The following LPA variants were observed in gnomAD, a reference collection of about 807,000 sequenced individuals.
LPA encodes apolipoprotein(a).
LPA carries 199 observed loss-of-function variants against 197.9 expected under a neutral mutation model. The ratio of observed to expected loss-of-function variants is 1.01; its 90% CI spans 0.90 to 1.13. LPA has a LOEUF of 1.13. LPA is among the 50% of genes most tolerant of loss of function. The probability of loss-of-function intolerance (pLI) is 0.00; values close to 1 mark genes in which losing one functional copy is unlikely to be tolerated. For synonymous variants in LPA, 715 were observed against 639.5 expected, an observed-to-expected ratio of 1.12 and a Z score of -1.78; for missense variants, 1,853 against 1,785.8, an observed-to-expected ratio of 1.04 and a Z score of -0.68.
At chr6:160,580,641 A>C (rs1163399563) in intron 26 of LPA, among the ~76,000 whole-genome samples, 3 of 152,172 alleles carry the variant, frequency 2.0e-5, no homozygotes, top group Admixed American at 2.0e-4. Context: ...TGAGGGTTAT[A>C]ACTCTTGATT....
In LPA at chr6:160,653,951, TATATATAATATATATTATATATA is replaced by T. The variant is rs1562354285; in HGVS notation, c.50-3477_50-3455del. The stretch of plus-strand genomic sequence containing the variant: ...GGATATATATATATTTTATATATAT[TATATATAATATATATTATATATA>T]ATATATAATATATAATATATATTAT... On this transcript the variant is annotated intron_variant, in intron 1 of 38. Coordinates refer to ENST00000316300, the MANE Select transcript of LPA (RefSeq NM_005577.4). 8.7e-3 allele frequency among the ~76,000 whole-genome samples: 266 copies of T among 30,630 alleles called. 16 individuals carry two copies. Among genetic ancestry groups the T allele is most frequent in the African/African-American group, 0.029 (233 of 8,058 alleles). 20.1% of individuals were successfully genotyped at this position (30,630 alleles called of 152,430 possible). A position where few individuals can be genotyped will look rare whatever the true frequency, so the allele number is the denominator to read the frequency against.
intron 16 of LPA, among the ~76,000 whole-genome samples, chr6:160,608,382 T>C (rs1182148693): frequency 1.3e-5 from 2 of 152,188 alleles, no homozygotes; most frequent in Admixed American, 6.5e-5. Flanking sequence ...TGATCTCTTC[T>C]TGTTCCTGTT....
rs927795728 is a variant in LPA at position 160,545,381 on chromosome 6, T to G, written c.5398+59A>C. ...AGCCATTTTCTGTTTTTTTTGCTTTTTTTTTTCCAAATCCATATTAAGGAA... is the reference window on the plus strand; with the variant it reads ...AGCCATTTTCTGTTTTTTTTGCTTTGTTTTTTCCAAATCCATATTAAGGAA... On this transcript the variant is annotated intron_variant, in intron 33 of 38. Transcript: ENST00000316300. 135 of 1,298,174 alleles carry G rather than the reference T, an allele frequency of 1.0e-4. 2 individuals carry two copies. Among genetic ancestry groups the G allele is most frequent in the Non-Finnish European group, 1.4e-4 (128 of 896,124 alleles). 80.4% of individuals were successfully genotyped at this position (1,298,174 alleles called of 1,614,324 possible). A position where few individuals can be genotyped will look rare whatever the true frequency, so the allele number is the denominator to read the frequency against.
At chr6:160,590,920 G>T in intron 23 of LPA, 24 bp downstream of exon 23, 6 of 1,613,814 alleles carry the variant, frequency 3.7e-6, no homozygotes, top group Non-Finnish European at 5.1e-6. Context: ...CAAGGGTGTG[G>T]TTGTCTGGCC....
At chr6:160,554,505 T>C (rs1249524973) in intron 30 of LPA, among the ~76,000 whole-genome samples, 1 of 152,160 alleles carries the variant, frequency 6.6e-6, no homozygotes, top group Non-Finnish European at 1.5e-5. Context: ...GTAGTCTTTA[T>C]TCTAAGAAGG....
chr6:160,606,742 A>G, intron 16 of LPA, 84 bp from the exon 17 acceptor site: 18 of 1,550,292 alleles, frequency 1.2e-5, no homozygotes, highest in Non-Finnish European at 1.6e-5. Context: ...TGCTGCAACA[A>G]GGTCATTACC....
intron 33 of LPA, 72 bp downstream of exon 33, chr6:160,545,368 T>G (rs929107931): frequency 6.3e-5 from 72 of 1,145,552 alleles, no homozygotes; most frequent in Non-Finnish European, 5.8e-5. Context: ...CCATTTTCTG[T>G]TTTTTTTGCT....
chr6:160,635,019 C>A (rs1418416570), intron 7 of LPA, 104 bp downstream of exon 7: 22 of 1,506,670 alleles, frequency 1.5e-5, no homozygotes, highest in Non-Finnish European at 1.9e-5. Context: ...TCCGGCAACA[C>A]TCGAGCATCC....
At chr6:160,653,616 T>C (rs1780044785) in intron 1 of LPA, among the ~76,000 whole-genome samples, 1 of 151,832 alleles carries the variant, frequency 6.6e-6, no homozygotes, top group Non-Finnish European at 1.5e-5. Flanking sequence ...AGAGCTGATA[T>C]CAAGCCTCCT....
At position 160,569,467 on chromosome 6, in the gene LPA, A is replaced by G. The variant is rs186498846; in HGVS notation, c.4631+7669T>C. ...AAACTGGATCCCTTCCTTACACCTT[A>G]TATAAAAATTAATTCAAGATGGATT... On this transcript the variant is annotated intron_variant, in intron 28 of 38. Transcript: ENST00000316300. 1.5e-3 allele frequency among the ~76,000 whole-genome samples: 235 copies of G among 152,256 alleles called. 4 individuals are homozygous for G. The highest frequency in any genetic ancestry group is 3.5e-3 in the South Asian group (17 of 4,828).
At chr6:160,579,321 G>T (rs892477712) in intron 26 of LPA, among the ~76,000 whole-genome samples, 1 of 152,108 alleles carries the variant, frequency 6.6e-6, no homozygotes, top group Non-Finnish European at 1.5e-5. Context: ...GTGGGTTTGG[G>T]TCTACAGGAC....
At chr6:160,663,329 T>C (rs186035692) in intron 1 of LPA, among the ~76,000 whole-genome samples, 1 of 152,362 alleles carries the variant, frequency 6.6e-6, no homozygotes, top group Non-Finnish European at 1.5e-5. Context: ...AGATTTTTTC[T>C]TGGAAATCTG....
chr6:160,556,000 C>G (rs541210545), intron 30 of LPA, 25 bp downstream of exon 30: 1 of 1,561,864 alleles, frequency 6.4e-7, no homozygotes. Flanking sequence ...TGTTGCTCCT[C>G]TTACAAGTAA....
At position 160,600,791 on chromosome 6, in the gene LPA, C is replaced by T. The variant is rs1779222980; in HGVS notation, c.3127+126G>A. 5 of 1,108,374 alleles carry T rather than the reference C, an allele frequency of 4.5e-6. No homozygotes were observed. In the South Asian group the frequency reaches 5.3e-5, roughly 12 times the overall value. 68.7% of individuals were successfully genotyped at this position (1,108,374 alleles called of 1,614,324 possible). On this transcript the variant is annotated intron_variant, in intron 19 of 38. Transcript: ENST00000316300. ...CAGAGAGTGCGCTAAGGCTTCCTCC[C>T]ACATGGCAGACCCAGAACCAACACA...
At chr6:160,646,850 C>T (rs1490688129) in intron 2 of LPA, among the ~76,000 whole-genome samples, 7 of 150,714 alleles carry the variant, frequency 4.6e-5, no homozygotes, top group Admixed American at 4.0e-4. Context: ...GGAGTTGCAA[C>T]GAACATGTAG....
At chr6:160,607,516 A>G (rs571052922) in intron 16 of LPA, among the ~76,000 whole-genome samples, 1 of 152,234 alleles carries the variant, frequency 6.6e-6, no homozygotes, top group Non-Finnish European at 1.5e-5. Context: ...ACAGCTACGG[A>G]GGAACACTGC....
chr6:160,547,099 C>A (rs185774463), intron 32 of LPA, among the ~76,000 whole-genome samples: 14 of 152,106 alleles, frequency 9.2e-5, no homozygotes, highest in Middle Eastern at 3.2e-3. Context: ...GACTCAAGTA[C>A]CTTCCATTTA....
At chr6:160,647,589 A>G (rs1165153465) in intron 2 of LPA, among the ~76,000 whole-genome samples, 2 of 152,182 alleles carry the variant, frequency 1.3e-5, no homozygotes, top group Non-Finnish European at 2.9e-5. Context: ...TTGAATACAT[A>G]AAATATTGTT....
At chr6:160,540,985 A>G in intron 35 of LPA, 122 bp downstream of exon 35, 1 of 832,326 alleles carries the variant, frequency 1.2e-6, no homozygotes, top group Non-Finnish European at 2.0e-6. Context: ...TGTTCCTTCC[A>G]GAAAAGGAAG....
Sources: allele counts gnomAD v4.1 joint callset (sites outside exome capture counted in the v4.1 genomes callset), GRCh38; gene constraint gnomAD v4.1.1; transcripts MANE v1.5; gene names NCBI Gene and HGNC (gene_info 2026-07-23, HGNC 2026-07-21).